The following WWP1 variants were observed in gnomAD, a reference collection of about 807,000 sequenced individuals.
The protein encoded by WWP1 is WW domain containing E3 ubiquitin protein ligase 1, also known as NEDD4-like E3 ubiquitin-protein ligase WWP1.
In WWP1, 49 loss-of-function variants were observed where a neutral mutation model predicts 130.6. That is an observed-to-expected ratio of 0.38 (90% CI 0.30 to 0.48). The LOEUF is 0.48. Among genes scored for constraint, WWP1 ranks in the 20% least tolerant of loss-of-function variants. The probability of loss-of-function intolerance (pLI) is 0.99; values close to 1 mark genes in which losing one functional copy is unlikely to be tolerated. For missense variants in WWP1, 809 were observed against 1,100.6 expected, an observed-to-expected ratio of 0.74 and a Z score of 3.75; for synonymous variants, 332 against 367.8, an observed-to-expected ratio of 0.90 and a Z score of 1.11.
chr8:86,404,481 C>G (rs1808166624), intron 8 of WWP1, among the ~76,000 whole-genome samples: 1 of 152,134 alleles, frequency 6.6e-6, no homozygotes, highest in Admixed American at 6.5e-5. Context: ...TAGATTCTTT[C>G]CATTGGTAAT....
chr8:86,364,905 A>G (rs1240063916), intron 1 of WWP1, among the ~76,000 whole-genome samples: 1 of 152,160 alleles, frequency 6.6e-6, no homozygotes, highest in East Asian at 1.9e-4. Context: ...AAGTAAAATT[A>G]AAAATTAAAA....
intron 22 of WWP1, among the ~76,000 whole-genome samples, chr8:86,458,634 C>T (rs1811583702): frequency 6.6e-6 from 1 of 152,098 alleles, no homozygotes; most frequent in Admixed American, 6.5e-5. Flanking sequence ...GATAACTACT[C>T]TACTAATTGG....
intron 3 of WWP1, among the ~76,000 whole-genome samples, chr8:86,377,115 T>C (rs963440393): frequency 6.6e-6 from 1 of 152,092 alleles, no homozygotes; most frequent in African/African-American, 2.4e-5. Context: ...AAATGGAGTC[T>C]TGCTCTGTTG....
At chr8:86,362,506 A>G (rs1823727997) in intron 1 of WWP1, among the ~76,000 whole-genome samples, 1 of 152,058 alleles carries the variant, frequency 6.6e-6, no homozygotes, top group African/African-American at 2.4e-5. Context: ...TTGCAAGGGT[A>G]GAAGAATCGG....
In WWP1 at chr8:86,388,343, C is replaced by T. The variant is rs538240854; in HGVS notation, c.334+6714C>T. On this transcript the variant is annotated intron_variant, in intron 5 of 24. Transcript: ENST00000517970. The stretch of plus-strand genomic sequence containing the variant: ...TATCCTAGTGTACGGTAGCCTCCAA[C>T]TCCTGGACTCAAGCGATCCTCCCAC... 7.2e-5 allele frequency among the ~76,000 whole-genome samples: 11 copies of T among 152,030 alleles called. No individual in the cohort carries two copies. The South Asian group carries it at 2.3e-3, about 32-fold the overall frequency.
intron 18 of WWP1, among the ~76,000 whole-genome samples, chr8:86,447,272 T>C (rs1227364936): frequency 1.3e-5 from 2 of 152,182 alleles, no homozygotes; most frequent in Non-Finnish European, 2.9e-5. Context: ...GGAGTTATTT[T>C]ATTTTATTTT....
intron 11 of WWP1, among the ~76,000 whole-genome samples, chr8:86,429,259 C>T (rs1330784409): frequency 6.6e-6 from 1 of 152,172 alleles, no homozygotes; most frequent in Non-Finnish European, 1.5e-5. Context: ...TGGCCTTCTG[C>T]CTATACCTCA....
chr8:86,417,964 G>A (rs891880244), intron 9 of WWP1, among the ~76,000 whole-genome samples: 2 of 152,142 alleles, frequency 1.3e-5, no homozygotes, highest in African/African-American at 2.4e-5. Context: ...AAAAAAACTC[G>A]TTGAGTAATG....
At chr8:86,442,530 A>AG in intron 17 of WWP1, 89 bp from the exon 18 acceptor site, 2 of 1,221,950 alleles carry the variant, frequency 1.6e-6, no homozygotes, top group Non-Finnish European at 2.2e-6. Context: ...TGTTGAGCAG[A>AG]GGTATGATGT....
Position 86,461,400 on chromosome 8 carries a change from G to T in WWP1, c.2596+80G>T. The T allele has an allele frequency of 2.5e-6, 3 of 1,208,828 alleles. No homozygotes were observed. In the South Asian group the frequency reaches 3.8e-5, roughly 15 times the overall value. The allele number at this position is 1,208,828 out of a possible 1,614,324, so 74.9% of individuals were successfully genotyped here. ...CTTTGGACATACAATAGACTTGATT[G>T]AACCTAAAGATTACTCTTCTGTGCT... On this transcript the variant is annotated intron_variant, in intron 23 of 24. Coordinates refer to ENST00000517970, the MANE Select transcript of WWP1 (RefSeq NM_007013.4).
At chr8:86,423,975 G>C (rs1470943537) in intron 9 of WWP1, among the ~76,000 whole-genome samples, 14 of 3,330 alleles carry the variant, frequency 4.2e-3, no homozygotes, top group Non-Finnish European at 9.1e-3. Context: ...TTAAGTTAGC[G>C]CTTATGGGGC....
At chr8:86,369,405 C>A (rs1824156156) in intron 2 of WWP1, among the ~76,000 whole-genome samples, 2 of 152,048 alleles carry the variant, frequency 1.3e-5, no homozygotes, top group Non-Finnish European at 2.9e-5. Flanking sequence ...TTTAAATTTG[C>A]AGTTACTGCT....
At position 86,394,161 on chromosome 8, in the gene WWP1, G is replaced by A. The variant is rs532004316; in HGVS notation, c.335-4181G>A. Among the ~76,000 whole-genome samples, 13 of 152,266 alleles carry A rather than the reference G, an allele frequency of 8.5e-5. No homozygotes were observed. The East Asian group carries it at 1.3e-3, about 16-fold the overall frequency. Reference sequence around the variant, plus strand: ...CATTGTTTGAGCAGTTTTTAAAAACGGCTTCAGAATGTGGCTCTGAGCTAA... The same window carrying A: ...CATTGTTTGAGCAGTTTTTAAAAACAGCTTCAGAATGTGGCTCTGAGCTAA... On this transcript the variant is annotated intron_variant, in intron 5 of 24. Transcript: ENST00000517970.
chr8:86,432,648 C>G (rs1031062755), intron 14 of WWP1, among the ~76,000 whole-genome samples: 7 of 151,282 alleles, frequency 4.6e-5, no homozygotes, highest in Non-Finnish European at 7.4e-5. Flanking sequence ...GCTCCTGTTG[C>G]CCAGGCTGGA....
At chr8:86,419,016 C>A (rs1809046366) in intron 9 of WWP1, among the ~76,000 whole-genome samples, 1 of 152,180 alleles carries the variant, frequency 6.6e-6, no homozygotes, top group Non-Finnish European at 1.5e-5. Context: ...CACCCAGGCA[C>A]ATAAAACTCC....
At chr8:86,441,702 T>C (rs1332158380) in intron 17 of WWP1, among the ~76,000 whole-genome samples, 1 of 152,220 alleles carries the variant, frequency 6.6e-6, no homozygotes, top group Non-Finnish European at 1.5e-5. Flanking sequence ...AGGACTACGA[T>C]AATATGCCTA....
chr8:86,450,859 T>A (rs189313111), intron 20 of WWP1, among the ~76,000 whole-genome samples: 425 of 152,142 alleles, frequency 2.8e-3, no homozygotes, highest in African/African-American at 9.7e-3. Context: ...AGAGAGCTAT[T>A]GTTTCTGCTG....
At chr8:86,379,752 C>T (rs1262732512) in intron 3 of WWP1, among the ~76,000 whole-genome samples, 5 of 152,144 alleles carry the variant, frequency 3.3e-5, no homozygotes, top group Admixed American at 2.6e-4. Context: ...CCAGATAAAA[C>T]ATTAAAGCAT....
At chr8:86,443,482 G>T (rs1810700947) in intron 18 of WWP1, among the ~76,000 whole-genome samples, 1 of 152,100 alleles carries the variant, frequency 6.6e-6, no homozygotes, top group Non-Finnish European at 1.5e-5. Context: ...CTTTTGGGAA[G>T]TGTTTGTATT....
Sources: allele counts gnomAD v4.1 joint callset (sites outside exome capture counted in the v4.1 genomes callset), GRCh38; gene constraint gnomAD v4.1.1; transcripts MANE v1.5; gene names NCBI Gene and HGNC (gene_info 2026-07-23, HGNC 2026-07-21).